Variants in ARMC2 observed in about 807,000 individuals in gnomAD.
The protein encoded by ARMC2 is armadillo repeat containing 2, also known as armadillo repeat-containing protein 2.
ARMC2 carries 67 observed loss-of-function variants against 90.3 expected under a neutral mutation model. That is an observed-to-expected ratio of 0.74 (90% CI 0.61 to 0.91). The LOEUF (loss-of-function observed/expected upper bound fraction) is 0.91, where lower values mean the gene tolerates loss of function less well. ARMC2 is among the 40% of genes least tolerant of loss of function. The pLI is 0.00. For missense variants in ARMC2, 920 were observed against 1,030.9 expected (o/e 0.89, Z 1.47); for synonymous variants, 393 against 393.0 (o/e 1.00, Z 0.00).
the ARMC2 span, among the ~76,000 whole-genome samples, chr6:109,007,753 T>C: frequency 2.0e-5 from 3 of 149,710 alleles, no homozygotes; most frequent in Non-Finnish European, 4.4e-5. Context: ...TTAATACTAA[T>C]AGGTAATTCA....
intron 3 of ARMC2, among the ~76,000 whole-genome samples, chr6:108,864,395 C>T (rs936354592): frequency 3.3e-5 from 5 of 151,686 alleles, no homozygotes; most frequent in African/African-American, 7.3e-5. Context: ...ACTACAGGCG[C>T]CCACCACCAT....
At chr6:108,974,962 C>T (rs1220353158), downstream of ARMC2, among the ~76,000 whole-genome samples, 1 of 151,786 alleles carries the variant, frequency 6.6e-6, no homozygotes, top group Non-Finnish European at 1.5e-5. Flanking sequence ...GTAATCTCAG[C>T]TACTCGCGAG....
chr6:108,860,388 C>T (rs1043020783), intron 3 of ARMC2, among the ~76,000 whole-genome samples: 3 of 151,952 alleles, frequency 2.0e-5, no homozygotes, highest in Admixed American at 6.6e-5. Flanking sequence ...GGCAGCCAGG[C>T]GCGGTGGCTC....
At chr6:108,904,655 A>G (rs1009114799) in intron 8 of ARMC2, among the ~76,000 whole-genome samples, 1 of 151,162 alleles carries the variant, frequency 6.6e-6, no homozygotes, top group Non-Finnish European at 1.5e-5. Context: ...TTAAAAAAAA[A>G]AAAAAGAAGA....
chr6:108,872,169 C>G (rs1776483243), intron 4 of ARMC2, among the ~76,000 whole-genome samples: 1 of 152,180 alleles, frequency 6.6e-6, no homozygotes, highest in Admixed American at 6.5e-5. Context: ...GATGCTACCC[C>G]ACAGGCAGGG....
At chr6:108,975,237 T>C (rs183767274), downstream of ARMC2, among the ~76,000 whole-genome samples, 9 of 152,222 alleles carry the variant, frequency 5.9e-5, no homozygotes, top group South Asian at 2.1e-4. Context: ...CTCCCACTTA[T>C]GAATGAGAAC....
At chr6:108,989,679 G>A in the ARMC2 span, among the ~76,000 whole-genome samples, 1 of 152,000 alleles carries the variant, frequency 6.6e-6, no homozygotes, top group African/African-American at 2.4e-5. Context: ...CTTTACTCAT[G>A]TTTCTAGGAG....
At chr6:108,907,898 T>C in intron 8 of ARMC2, 1 of 1,590,560 alleles carries the variant, frequency 6.3e-7, no homozygotes, top group Non-Finnish European at 8.6e-7. Flanking sequence ...TCCGCTGTGT[T>C]CTTCTGTTTT....
intron 6 of ARMC2, 85 bp from the exon 7 acceptor site, chr6:108,899,609 G>C (rs1771923525): frequency 1.1e-6 from 1 of 928,452 alleles, no homozygotes; most frequent in African/African-American, 1.7e-5. Flanking sequence ...ATTAATTGTA[G>C]TGATGAATAG....
At chr6:108,916,276 G>A (rs977571791) in intron 10 of ARMC2, among the ~76,000 whole-genome samples, 1 of 152,212 alleles carries the variant, frequency 6.6e-6, no homozygotes, top group Non-Finnish European at 1.5e-5. Context: ...CAGGAGAGCT[G>A]TCAGTAGGCA....
chr6:109,049,338 A>G, the ARMC2 span, among the ~76,000 whole-genome samples: 2 of 152,122 alleles, frequency 1.3e-5, no homozygotes, highest in Non-Finnish European at 2.9e-5. Flanking sequence ...AGTTGATCTC[A>G]TGGAAGTAAA....
At chr6:108,991,942 C>G in the ARMC2 span, among the ~76,000 whole-genome samples, 1 of 152,172 alleles carries the variant, frequency 6.6e-6, no homozygotes, top group Non-Finnish European at 1.5e-5. Flanking sequence ...TAATTATTGT[C>G]TAGTCTCCTC....
At chr6:108,855,753 A>G (rs1172359921) in intron 2 of ARMC2, among the ~76,000 whole-genome samples, 1 of 152,208 alleles carries the variant, frequency 6.6e-6, no homozygotes, top group East Asian at 1.9e-4. Context: ...GATTTTGGCC[A>G]TTCGAATAAG....
At chr6:109,039,098 GGGAGGAGAAGGAGAAGGAA>G in the ARMC2 span, among the ~76,000 whole-genome samples, 3 of 149,006 alleles carry the variant, frequency 2.0e-5, no homozygotes, top group East Asian at 4.0e-4. Context: ...AGGAGAAGGA[GGGAGGAGAAGGAGAAGGAA>G]GGAGGAGAAG....
chr6:109,046,353 G>A, the ARMC2 span, among the ~76,000 whole-genome samples: 116 of 151,930 alleles, frequency 7.6e-4, no homozygotes, highest in East Asian at 0.019. Context: ...CCGAGGTGCC[G>A]GGATTGCAGA....
the ARMC2 span, among the ~76,000 whole-genome samples, chr6:109,051,012 G>C: frequency 3.9e-5 from 6 of 152,080 alleles, no homozygotes; most frequent in Non-Finnish European, 8.8e-5. Flanking sequence ...AAGTAAGAAG[G>C]GCTGAATACC....
chr6:108,868,889 A>C lies in ARMC2; in HGVS notation c.357A>C (p.Pro119=). Residue 119 remains proline (P), a synonymous_variant, in exon 4 of 18, where the codon CCA becomes CCC. Transcript: ENST00000392644. The part of the protein sequence containing the change: ...EDSCFSFPKP[P]VDPAKIRRVS... ...CCTGCTTTTCCTTTCCTAAGCCCCC[A>C]GTGGACCCTGCGAAGATTAGAAGAG... is the stretch of plus-strand genomic sequence containing the variant. 1.2e-6 allele frequency: 2 copies of C among 1,613,986 alleles called. No individual in the cohort carries two copies. Among genetic ancestry groups the C allele is most frequent in the Non-Finnish European group, 8.5e-7 (1 of 1,179,898 alleles).
chr6:108,969,156 G>A (rs1377070963), intron 17 of ARMC2, among the ~76,000 whole-genome samples: 1 of 152,158 alleles, frequency 6.6e-6, no homozygotes, highest in Non-Finnish European at 1.5e-5. Flanking sequence ...TTGTGACAAG[G>A]GTAGAGCGGG....
At chr6:109,017,670 C>G in the ARMC2 span, among the ~76,000 whole-genome samples, 2 of 152,132 alleles carry the variant, frequency 1.3e-5, no homozygotes, top group African/African-American at 4.8e-5. Context: ...TAACCACTTA[C>G]ATAAATCATA....
Sources: allele counts gnomAD v4.1 joint callset (sites outside exome capture counted in the v4.1 genomes callset), GRCh38; gene constraint gnomAD v4.1.1; transcripts MANE v1.5; gene names NCBI Gene and HGNC (gene_info 2026-07-23, HGNC 2026-07-21).